Variants in NAALADL2 observed in about 807,000 individuals in gnomAD.
NAALADL2 encodes inactive N-acetylated-alpha-linked acidic dipeptidase-like protein 2.
NAALADL2 carries 76 observed loss-of-function variants against 87.2 expected under a neutral mutation model. The observed-to-expected ratio is 0.87, with a 90% CI of 0.72 to 1.05. The LOEUF (loss-of-function observed/expected upper bound fraction) is 1.05, where lower values mean the gene tolerates loss of function less well. Among genes scored for constraint, NAALADL2 ranks in the 50% least tolerant of loss-of-function variants. The pLI is 0.00. For synonymous variants in NAALADL2, 354 were observed against 331.0 expected, an observed-to-expected ratio of 1.07 and a Z score of -0.75; for missense variants, 1,089 against 945.8, an observed-to-expected ratio of 1.15 and a Z score of -1.99.
intron 3 of NAALADL2, among the ~76,000 whole-genome samples, chr3:174,758,898 C>A (rs145334759): frequency 3.9e-4 from 59 of 152,248 alleles, no homozygotes; most frequent in African/African-American, 1.3e-3. Flanking sequence ...GAGATTAATT[C>A]TTTCCTAGTG....
chr3:175,423,051 A>ATATATATATATATATTTT (rs1458599872), intron 5 of NAALADL2, among the ~76,000 whole-genome samples: 1 of 91,510 alleles, frequency 1.1e-5, no homozygotes, highest in Non-Finnish European at 2.0e-5. Context: ...ATATATATAT[A>ATATATATATATATATTTT]TTTTTTTTTT....
intron 1 of NAALADL2, among the ~76,000 whole-genome samples, chr3:174,479,713 T>G (rs1289418592): frequency 6.6e-6 from 1 of 152,120 alleles, no homozygotes; most frequent in Non-Finnish European, 1.5e-5. Flanking sequence ...CTCTGTAGAT[T>G]ATGGTGGTTA....
intron 3 of NAALADL2, among the ~76,000 whole-genome samples, chr3:175,249,739 G>A (rs116051550): frequency 0.011 from 1,614 of 152,174 alleles, 27 homozygotes; most frequent in African/African-American, 0.038. Context: ...GCCCCTCTAT[G>A]GACTGACTTG....
chr3:174,980,534 C>A (rs193190682), intron 1 of NAALADL2, among the ~76,000 whole-genome samples: 2 of 151,922 alleles, frequency 1.3e-5, no homozygotes, highest in African/African-American at 2.4e-5. Context: ...ATAATAGTAA[C>A]CCAAAGCATT....
Position 175,471,684 on chromosome 3 carries a change from C to T in NAALADL2, c.1579C>T (p.Leu527Phe). The T allele has an allele frequency of 6.3e-7, 1 of 1,577,430 alleles. No homozygotes were observed. The highest frequency in any genetic ancestry group is 8.7e-7 in the Non-Finnish European group (1 of 1,149,758). The change falls in exon 9 of 14, where the codon CTC (leucine) becomes TTC (phenylalanine). Residue 527 changes from leucine to phenylalanine, a missense_variant. Leu to Phe is a conservative substitution (Grantham distance 22). Coordinates refer to ENST00000454872, the MANE Select transcript of NAALADL2 (RefSeq NM_207015.3). ...LQKNVVAYIS[L>F]HSPIRGNSSL... ...GAAAAATGTTGTGGCTTATATTAGC[C>T]TCCACAGTCCCATAAGGGGGAACTC...
chr3:174,573,898 A>G (rs910593529), intron 2 of NAALADL2, among the ~76,000 whole-genome samples: 4 of 152,120 alleles, frequency 2.6e-5, no homozygotes, highest in Non-Finnish European at 5.9e-5. Context: ...TCTAAACCAT[A>G]GCACCCGCCA....
chr3:175,237,158 A>G (rs1034868790), intron 3 of NAALADL2, among the ~76,000 whole-genome samples: 5 of 152,034 alleles, frequency 3.3e-5, no homozygotes, highest in African/African-American at 9.7e-5. Context: ...GAATTTGCAA[A>G]ATTCTATAGC....
intron 11 of NAALADL2, among the ~76,000 whole-genome samples, chr3:175,654,619 C>A (rs1195480247): frequency 6.6e-6 from 1 of 152,134 alleles, no homozygotes; most frequent in African/African-American, 2.4e-5. Context: ...TCACAAAAAT[C>A]GCAATTGGCA....
chr3:175,304,010 T>A (rs1757396749), intron 4 of NAALADL2, among the ~76,000 whole-genome samples: 2 of 117,238 alleles, frequency 1.7e-5, no homozygotes, highest in Admixed American at 1.5e-4. Flanking sequence ...ACCATTAGGA[T>A]TTTTTTTTTT....
At chr3:175,166,187 C>T (rs1733978362) in intron 2 of NAALADL2, among the ~76,000 whole-genome samples, 1 of 152,052 alleles carries the variant, frequency 6.6e-6, no homozygotes, top group African/African-American at 2.4e-5. Flanking sequence ...AATCTTACCC[C>T]TTGAACATGA....
rs372416231 is a variant in NAALADL2 at position 175,327,241 on chromosome 3, C to T, written c.1090+2916C>T. ...CACAATCTGGGCTCACTGCAAGCTC[C>T]GCCTCCCGGGTTCATGCCATTCTCC... On this transcript the variant is annotated intron_variant, in intron 5 of 13. Coordinates refer to ENST00000454872, the MANE Select transcript of NAALADL2 (RefSeq NM_207015.3). 4.7e-5 allele frequency among the ~76,000 whole-genome samples: 7 copies of T among 149,978 alleles called. No homozygotes were observed. In the East Asian group the frequency reaches 1.0e-3, roughly 22 times the overall value.
chr3:175,780,104 TA>T (rs1750821905), intron 13 of NAALADL2, among the ~76,000 whole-genome samples: 1 of 143,222 alleles, frequency 7.0e-6, no homozygotes, highest in South Asian at 2.2e-4. Flanking sequence ...CTGTCTCTAC[TA>T]AAAATACAAA....
At chr3:175,685,480 G>A (rs1217705166) in intron 11 of NAALADL2, among the ~76,000 whole-genome samples, 1 of 145,290 alleles carries the variant, frequency 6.9e-6, no homozygotes, top group East Asian at 2.0e-4. Context: ...GTGTGTGTGT[G>A]TGTGTGTGTA....
chr3:175,228,533 G>A (rs1744492386), intron 2 of NAALADL2, among the ~76,000 whole-genome samples: 1 of 151,692 alleles, frequency 6.6e-6, no homozygotes. Flanking sequence ...AAGTACTATG[G>A]CAGATGATGA....
intron 1 of NAALADL2, among the ~76,000 whole-genome samples, chr3:174,997,213 G>A (rs1476167990): frequency 6.6e-6 from 1 of 151,846 alleles, no homozygotes; most frequent in East Asian, 1.9e-4. Flanking sequence ...TGGGATTGCT[G>A]GATTGGTAGT....
chr3:175,659,627 TTA>T lies in NAALADL2; in HGVS notation c.1896+32246_1896+32247del, dbSNP rs571571362. ...ATTTTAAAAAAGAAAACATTTGACT[TTA>T]TATAGCTGAATTGACTAAATTCAGT... On this transcript the variant is annotated intron_variant, in intron 11 of 13. Coordinates refer to ENST00000454872, the MANE Select transcript of NAALADL2 (RefSeq NM_207015.3). Among the ~76,000 whole-genome samples the T allele has an allele frequency of 1.1e-3, 173 of 152,298 alleles. 1 individual carries two copies. The highest frequency in any genetic ancestry group is 3.9e-3 in the African/African-American group (161 of 41,578).
intron 10 of NAALADL2, among the ~76,000 whole-genome samples, chr3:175,604,971 T>G (rs1376439371): frequency 6.6e-6 from 1 of 152,220 alleles, no homozygotes; most frequent in East Asian, 1.9e-4. Context: ...AATCCATGGC[T>G]TAGACGGTAT....
intron 13 of NAALADL2, among the ~76,000 whole-genome samples, chr3:175,757,479 A>G (rs1444573041): frequency 6.6e-6 from 1 of 152,096 alleles, no homozygotes; most frequent in Non-Finnish European, 1.5e-5. Flanking sequence ...TGATGGAATG[A>G]GACTCCTTTA....
At chr3:175,697,400 G>GACACACACACACACACACACAC (rs57471272) in intron 11 of NAALADL2, among the ~76,000 whole-genome samples, 4 of 145,238 alleles carry the variant, frequency 2.8e-5, no homozygotes, top group African/African-American at 1.0e-4. Flanking sequence ...GCTGCACACA[G>GACACACACACACACACACACAC]ACACACACAC....
Sources: allele counts gnomAD v4.1 joint callset (sites outside exome capture counted in the v4.1 genomes callset), GRCh38; gene constraint gnomAD v4.1.1; transcripts MANE v1.5; gene names NCBI Gene and HGNC (gene_info 2026-07-23, HGNC 2026-07-21).